C1orf87: variants seen among roughly 807,000 people sequenced by gnomAD.
C1orf87 encodes chromosome 1 open reading frame 87, also known as uncharacterized protein C1orf87.
A neutral mutation model predicts 60.5 loss-of-function variants in C1orf87; 58 were observed. That is an observed-to-expected ratio of 0.96 (90% CI 0.78 to 1.19). C1orf87 has a LOEUF of 1.19. Ranked by LOEUF, C1orf87 falls within the 50% of genes most tolerant of loss-of-function variation. The pLI, the probability that C1orf87 is intolerant of heterozygous loss-of-function variation, is 0.00. For synonymous variants in C1orf87, 236 were observed against 227.4 expected (o/e 1.04, Z -0.34); for missense variants, 673 against 638.6 (o/e 1.05, Z -0.58).
chr1:60,007,871 A>G (rs1645057038), intron 9 of C1orf87, among the ~76,000 whole-genome samples: 1 of 152,052 alleles, frequency 6.6e-6, no homozygotes, highest in South Asian at 2.1e-4. Flanking sequence ...TTAGGTTAGT[A>G]TGGCATCTTT....
At position 59,990,624 on chromosome 1, in the gene C1orf87, T is replaced by C. The variant is rs1010470608; in HGVS notation, c.*49A>G. The C allele has an allele frequency of 9.4e-6, 15 of 1,596,534 alleles. No individual in the cohort carries two copies. In the African/African-American group the frequency reaches 2.0e-4, roughly 21 times the overall value. ...GGCTGGGGAGAAACATGTGTCTGGGTAAAAAGGGAGATAAGGGAAACATCT... is the reference window on the plus strand; with the variant it reads ...GGCTGGGGAGAAACATGTGTCTGGGCAAAAAGGGAGATAAGGGAAACATCT... On this transcript the variant is annotated 3_prime_UTR_variant, in exon 12 of 12. Coordinates refer to ENST00000371201, the MANE Select transcript of C1orf87 (RefSeq NM_152377.3).
chr1:60,048,007 A>C (rs2100308273), intron 3 of C1orf87, among the ~76,000 whole-genome samples: 1 of 152,266 alleles, frequency 6.6e-6, no homozygotes, highest in South Asian at 2.1e-4. Flanking sequence ...AGGTGGCCCC[A>C]GTGATCCCTG....
chr1:59,992,525 G>T (rs1222394969), intron 11 of C1orf87, among the ~76,000 whole-genome samples: 1 of 152,140 alleles, frequency 6.6e-6, no homozygotes, highest in African/African-American at 2.4e-5. Context: ...AAAGTGCTGG[G>T]ATTATAGGCA....
At chr1:60,067,751 C>T (rs943776519) in intron 2 of C1orf87, among the ~76,000 whole-genome samples, 3 of 151,866 alleles carry the variant, frequency 2.0e-5, no homozygotes, top group African/African-American at 7.3e-5. Flanking sequence ...TCAATTTTGG[C>T]TTTTGTTGTA....
rs1034096616 is a variant in C1orf87 at position 60,072,506 on chromosome 1, C to A, written c.107+31G>T. On this transcript the variant is annotated intron_variant, in intron 2 of 11. Coordinates refer to ENST00000371201, the MANE Select transcript of C1orf87 (RefSeq NM_152377.3). ...CAATAAAACTTCATTATCATCCAAG[C>A]AACATAGATATTTTTCAAATATGGA... 2.0e-6 allele frequency: 3 copies of A among 1,469,646 alleles called. 1 individual carries two copies. The highest frequency in any genetic ancestry group is 2.4e-5 in the South Asian group (2 of 83,390). The allele number at this position is 1,469,646 out of a possible 1,614,324, so 91.0% of individuals were successfully genotyped here.
intron 3 of C1orf87, 70 bp from the exon 4 acceptor site, chr1:60,041,201 G>A (rs745503108): frequency 5.2e-6 from 7 of 1,352,446 alleles, no homozygotes; most frequent in Non-Finnish European, 5.9e-6. Context: ...AGGAAAGAAT[G>A]GAGAAAATGA....
chr1:60,071,431 T>C (rs139088709), intron 2 of C1orf87, among the ~76,000 whole-genome samples: 1 of 152,306 alleles, frequency 6.6e-6, no homozygotes, highest in Non-Finnish European at 1.5e-5. Flanking sequence ...GACCTAAGAT[T>C]CAATTTCACA....
At chr1:60,037,579 A>G (rs867225397) in intron 6 of C1orf87, among the ~76,000 whole-genome samples, 3 of 152,184 alleles carry the variant, frequency 2.0e-5, no homozygotes, top group Non-Finnish European at 4.4e-5. Context: ...CACTCCTGAG[A>G]TAATGACATT....
intron 2 of C1orf87, among the ~76,000 whole-genome samples, chr1:60,062,136 C>T (rs1411272535): frequency 1.3e-5 from 2 of 152,150 alleles, no homozygotes; most frequent in Non-Finnish European, 2.9e-5. Context: ...CGGTAACATT[C>T]CCCTCCTCTC....
rs1375172520 is a variant in C1orf87, at chr1:60,025,647, T to C, written c.1030-149A>G. The C allele has an allele frequency of 1.3e-5, 8 of 609,798 alleles. No homozygotes were observed. In the African/African-American group the frequency reaches 1.3e-4, roughly 10 times the overall value. 37.8% of individuals were successfully genotyped at this position (609,798 alleles called of 1,614,324 possible). On this transcript the variant is annotated intron_variant, in intron 7 of 11. Coordinates refer to ENST00000371201, the MANE Select transcript of C1orf87 (RefSeq NM_152377.3). The stretch of plus-strand genomic sequence containing the variant: ...AATACCCAGGAGTACATTCTACCAT[T>C]GAGGTATCCTTCAGGATACCATTTA...
At chr1:60,056,079 A>T (rs1479652742) in intron 2 of C1orf87, among the ~76,000 whole-genome samples, 1 of 152,072 alleles carries the variant, frequency 6.6e-6, no homozygotes, top group Non-Finnish European at 1.5e-5. Flanking sequence ...CCCCGTCTCT[A>T]CTAAAAATAC....
intron 2 of C1orf87, among the ~76,000 whole-genome samples, chr1:60,059,288 G>A (rs1416811026): frequency 6.6e-6 from 1 of 152,076 alleles, no homozygotes; most frequent in Non-Finnish European, 1.5e-5. Flanking sequence ...AAAGAAGGGG[G>A]GAAAAACGCC....
chr1:60,044,275 C>T (rs1645349977), intron 3 of C1orf87, among the ~76,000 whole-genome samples: 2 of 152,144 alleles, frequency 1.3e-5, no homozygotes, highest in African/African-American at 2.4e-5. Context: ...CGTGATCTGC[C>T]CGCCTCGGCC....
intron 8 of C1orf87, chr1:60,011,078 G>GA (rs1356852262): frequency 1.3e-5 from 2 of 151,700 alleles, no homozygotes; most frequent in East Asian, 3.9e-4. Flanking sequence ...TTACAACAGA[G>GA]AAAAAACATA....
At chr1:60,034,526 T>C (rs954625195) in intron 6 of C1orf87, among the ~76,000 whole-genome samples, 1 of 152,212 alleles carries the variant, frequency 6.6e-6, no homozygotes, top group African/African-American at 2.4e-5. Flanking sequence ...TACTGGTAAA[T>C]CTTTAACAAT....
At chr1:60,020,568 T>A (rs1645156002) in intron 8 of C1orf87, among the ~76,000 whole-genome samples, 1 of 152,108 alleles carries the variant, frequency 6.6e-6, no homozygotes, top group South Asian at 2.1e-4. Flanking sequence ...CTCTGCTGGG[T>A]TTTGGACTTG....
chr1:60,010,765 AGTT>A (rs1256142384), intron 8 of C1orf87: 7 of 203,016 alleles, frequency 3.4e-5, no homozygotes, highest in Admixed American at 5.9e-5. Context: ...CTAGCTATGA[AGTT>A]GTCATCAGGC....
intron 2 of C1orf87, among the ~76,000 whole-genome samples, chr1:60,060,014 G>A (rs1645483971): frequency 6.6e-6 from 1 of 151,736 alleles, no homozygotes; most frequent in Non-Finnish European, 1.5e-5. Flanking sequence ...ACTCCACAGG[G>A]AAGCTGAAAT....
chr1:60,071,957 G>A (rs139499326), intron 2 of C1orf87, among the ~76,000 whole-genome samples: 84 of 152,274 alleles, frequency 5.5e-4, no homozygotes, highest in Middle Eastern at 3.4e-3. Context: ...CTGTAAGAAA[G>A]AGCTAGTCAT....
Sources: gnomAD v4.1 joint callset for allele counts (sites outside exome capture counted in the v4.1 genomes callset) on GRCh38, gnomAD v4.1.1 for gene constraint, MANE v1.5 for transcripts, NCBI Gene and HGNC (gene_info 2026-07-23, HGNC 2026-07-21) for gene names.